Variants in CTNNA3 observed in about 807,000 individuals in gnomAD.
The protein encoded by CTNNA3 is catenin alpha 3, also known as catenin alpha-3.
A neutral mutation model predicts 95.7 loss-of-function variants in CTNNA3; 76 were observed. The ratio of observed to expected loss-of-function variants is 0.79; its 90% confidence interval spans 0.66 to 0.96. The LOEUF is 0.96. Ranked by LOEUF, CTNNA3 falls within the 40% of genes least tolerant of loss-of-function variation. CTNNA3 has a pLI of 0.00. For synonymous variants in CTNNA3, 431 were observed against 374.4 expected, an observed-to-expected ratio of 1.15 and a Z score of -1.74; for missense variants, 1,191 against 1,089.8, an observed-to-expected ratio of 1.09 and a Z score of -1.31.
intron 1 of CTNNA3, among the ~76,000 whole-genome samples, chr10:67,752,360 CAAT>C (rs1479349305): frequency 6.6e-6 from 1 of 152,114 alleles, no homozygotes; most frequent in East Asian, 1.9e-4. Flanking sequence ...AACCCACAGT[CAAT>C]ATCATACTAA....
At chr10:65,978,942 G>A (rs10996802) in intron 16 of CTNNA3, among the ~76,000 whole-genome samples, 7,228 of 152,142 alleles carry the variant, frequency 0.048, 233 homozygotes, top group Middle Eastern at 0.092. Context: ...AAAATACACT[G>A]GAACTCTGTT....
chr10:67,296,817 C>T (rs1255789834), intron 5 of CTNNA3, among the ~76,000 whole-genome samples: 2 of 151,456 alleles, frequency 1.3e-5, no homozygotes, highest in African/African-American at 4.9e-5. Flanking sequence ...GCCTGTAATC[C>T]CAGCTACTTG....
Position 67,103,829 on chromosome 10 carries a change from T to A in CTNNA3, c.1047+76488A>T, listed in dbSNP as rs372900694. 2.0e-5 allele frequency among the ~76,000 whole-genome samples: 3 copies of A among 151,656 alleles called. No homozygotes were observed. In the East Asian group the frequency reaches 5.8e-4, roughly 29 times the overall value. Reference sequence around the variant, plus strand: ...CACAGCAGAAAAAGAATTTGCCTATTTCCAAATAGAAAAATTATCTTACAC... The same window carrying A: ...CACAGCAGAAAAAGAATTTGCCTATATCCAAATAGAAAAATTATCTTACAC... On this transcript the variant is annotated intron_variant, in intron 7 of 17. Coordinates refer to ENST00000433211, the MANE Select transcript of CTNNA3 (RefSeq NM_013266.4).
intron 13 of CTNNA3, among the ~76,000 whole-genome samples, chr10:66,226,067 C>T (rs529739740): frequency 1.2e-3 from 182 of 152,130 alleles, no homozygotes; most frequent in African/African-American, 4.0e-3. Context: ...AGCTCTTTAG[C>T]TTTATATAAT....
At chr10:66,004,927 T>C (rs948487687) in intron 15 of CTNNA3, among the ~76,000 whole-genome samples, 6 of 152,204 alleles carry the variant, frequency 3.9e-5, no homozygotes, top group Non-Finnish European at 8.8e-5. Flanking sequence ...ACATTTATTA[T>C]TTTATATTTC....
chr10:66,638,848 C>T (rs1037368084), intron 9 of CTNNA3, among the ~76,000 whole-genome samples: 2 of 152,082 alleles, frequency 1.3e-5, no homozygotes, highest in Non-Finnish European at 2.9e-5. Flanking sequence ...CACTAGTTAT[C>T]CCATCTTGTA....
At chr10:67,578,967 T>G (rs1842267692) in intron 3 of CTNNA3, among the ~76,000 whole-genome samples, 1 of 139,728 alleles carries the variant, frequency 7.2e-6, no homozygotes, top group African/African-American at 2.6e-5. Flanking sequence ...TATCCTTGCA[T>G]CACGATATAA....
At chr10:65,947,622 C>T (rs909776219) in intron 17 of CTNNA3, among the ~76,000 whole-genome samples, 11 of 152,104 alleles carry the variant, frequency 7.2e-5, no homozygotes, top group African/African-American at 2.2e-4. Context: ...AGTACATAAT[C>T]CCTGGTCCAT....
At chr10:67,659,874 A>C (rs1222589528) in intron 1 of CTNNA3, among the ~76,000 whole-genome samples, 2 of 152,244 alleles carry the variant, frequency 1.3e-5, no homozygotes, top group African/African-American at 4.8e-5. Context: ...AGAATGGCAA[A>C]GGTAGTAGAA....
chr10:66,761,107 G>A (rs987070550), intron 9 of CTNNA3, among the ~76,000 whole-genome samples: 4 of 152,120 alleles, frequency 2.6e-5, no homozygotes, highest in African/African-American at 9.7e-5. Flanking sequence ...AACTTGAACA[G>A]CATTCTGTCA....
chr10:67,756,184 AAAG>A (rs755819752), intron 1 of CTNNA3, among the ~76,000 whole-genome samples: 1 of 152,164 alleles, frequency 6.6e-6, no homozygotes, highest in Non-Finnish European at 1.5e-5. Context: ...AGGGAGATGA[AAAG>A]AAGTTGATTA....
intron 15 of CTNNA3, among the ~76,000 whole-genome samples, chr10:66,066,886 C>A (rs1256798759): frequency 6.6e-6 from 1 of 151,998 alleles, no homozygotes; most frequent in Non-Finnish European, 1.5e-5. Flanking sequence ...ATTTAAAAAA[C>A]TTGACTTTAT....
intron 10 of CTNNA3, among the ~76,000 whole-genome samples, chr10:66,618,321 C>CTACA (rs1844603712): frequency 6.6e-6 from 1 of 151,984 alleles, no homozygotes; most frequent in Non-Finnish European, 1.5e-5. Flanking sequence ...TACTACAAGG[C>CTACA]TACAGTAACC....
At chr10:66,552,381 G>A (rs763715036) in intron 10 of CTNNA3, among the ~76,000 whole-genome samples, 1 of 152,032 alleles carries the variant, frequency 6.6e-6, no homozygotes, top group Non-Finnish European at 1.5e-5. Flanking sequence ...CCCACTTTGG[G>A]GAGCAATCCA....
intron 1 of CTNNA3, among the ~76,000 whole-genome samples, chr10:67,677,252 T>TA (rs1840552535): frequency 6.6e-6 from 1 of 152,116 alleles, no homozygotes; most frequent in South Asian, 2.1e-4. Context: ...TCCCTTACCT[T>TA]AAGGTTCACA....
chr10:67,598,213 T>C (rs1303870175), intron 3 of CTNNA3, among the ~76,000 whole-genome samples: 2 of 152,124 alleles, frequency 1.3e-5, no homozygotes, highest in African/African-American at 2.4e-5. Context: ...ACCTTCTGGG[T>C]TCCATGCAGG....
At chr10:66,650,417 A>G (rs190531867) in intron 9 of CTNNA3, among the ~76,000 whole-genome samples, 1 of 152,336 alleles carries the variant, frequency 6.6e-6, no homozygotes, top group East Asian at 1.9e-4. Context: ...GCTCTTTAAC[A>G]ACCAACGAAT....
chr10:67,279,436 T>C (rs556439413), intron 5 of CTNNA3, among the ~76,000 whole-genome samples: 1 of 152,014 alleles, frequency 6.6e-6, no homozygotes, highest in Non-Finnish European at 1.5e-5. Flanking sequence ...TCTCCGAAGA[T>C]GAACTTGAGG....
At chr10:65,925,283 GACA>G (rs1390540067) in intron 17 of CTNNA3, among the ~76,000 whole-genome samples, 31 of 151,182 alleles carry the variant, frequency 2.1e-4, no homozygotes, top group African/African-American at 2.4e-5. Flanking sequence ...TAAGCAAACA[GACA>G]ACAACAATAA....
Sources: gnomAD v4.1 joint callset for allele counts (sites outside exome capture counted in the v4.1 genomes callset) on GRCh38, gnomAD v4.1.1 for gene constraint, MANE v1.5 for transcripts, NCBI Gene and HGNC (gene_info 2026-07-23, HGNC 2026-07-21) for gene names.